The following ALK variants were observed in gnomAD, a reference collection of about 807,000 sequenced individuals.
The protein encoded by ALK is ALK tyrosine kinase receptor.
ALK carries 74 observed loss-of-function variants against 163.1 expected under a neutral mutation model. The ratio of observed to expected loss-of-function variants is 0.45; its 90% CI spans 0.38 to 0.55. ALK has a LOEUF of 0.55. Among genes scored for constraint, ALK ranks in the 20% least tolerant of loss-of-function variants. The probability of loss-of-function intolerance (pLI) is 0.00; values close to 1 mark genes in which losing one functional copy is unlikely to be tolerated. For missense variants in ALK, 2,063 were observed against 2,105.3 expected (o/e 0.98, Z 0.39); for synonymous variants, 960 against 843.2 (o/e 1.14, Z -2.40).
At chr2:29,454,307 T>C (rs4233738) in intron 4 of ALK, among the ~76,000 whole-genome samples, 86,549 of 152,044 alleles carry the variant, frequency 0.57, 24,841 homozygotes, top group East Asian at 0.69. Flanking sequence ...TATGAAGTAG[T>C]ATAATATTTG....
intron 4 of ALK, among the ~76,000 whole-genome samples, chr2:29,529,064 T>C (rs1208865334): frequency 6.6e-6 from 1 of 152,208 alleles, no homozygotes; most frequent in Non-Finnish European, 1.5e-5. Flanking sequence ...CAGCAGCTGC[T>C]GTGCTTCTCC....
intron 4 of ALK, among the ~76,000 whole-genome samples, chr2:29,507,676 G>A (rs574672679): frequency 6.6e-6 from 1 of 152,236 alleles, no homozygotes; most frequent in East Asian, 1.9e-4. Flanking sequence ...ATAGCACCTG[G>A]GGTTTAGGAG....
chr2:29,618,192 C>T (rs1675914549), intron 3 of ALK, among the ~76,000 whole-genome samples: 1 of 152,164 alleles, frequency 6.6e-6, no homozygotes, highest in African/African-American at 2.4e-5. Flanking sequence ...TCTTAGGAAA[C>T]CAATGTTTCT....
intron 3 of ALK, among the ~76,000 whole-genome samples, chr2:29,659,695 G>A (rs1677292198): frequency 6.6e-6 from 1 of 152,136 alleles, no homozygotes; most frequent in African/African-American, 2.4e-5. Flanking sequence ...TCTGTCCCCA[G>A]AGACCAGGCA....
intron 12 of ALK, among the ~76,000 whole-genome samples, chr2:29,243,657 A>G (rs531174039): frequency 5.9e-5 from 9 of 152,350 alleles, no homozygotes; most frequent in Non-Finnish European, 1.3e-4. Flanking sequence ...AGCACAGGGC[A>G]GCCTTAGCTC....
intron 4 of ALK, among the ~76,000 whole-genome samples, chr2:29,530,208 A>C (rs1673085159): frequency 1.3e-5 from 2 of 151,922 alleles, no homozygotes; most frequent in Admixed American, 1.3e-4. Context: ...TCTCTGCCTC[A>C]GTTTTCTCCT....
At chr2:29,408,493 C>A (rs1162358194) in intron 4 of ALK, among the ~76,000 whole-genome samples, 1 of 152,118 alleles carries the variant, frequency 6.6e-6, no homozygotes, top group African/African-American at 2.4e-5. Flanking sequence ...GGGCAGGGAG[C>A]ACATGACACA....
chr2:29,647,445 C>A (rs1676910614), intron 3 of ALK, among the ~76,000 whole-genome samples: 1 of 152,166 alleles, frequency 6.6e-6, no homozygotes, highest in Non-Finnish European at 1.5e-5. Flanking sequence ...TAGTCTTTCT[C>A]CCCTAATTCC....
intron 1 of ALK, among the ~76,000 whole-genome samples, chr2:29,846,206 GCTGGTTCTAGGAT>G (rs1007223177): frequency 7.9e-5 from 12 of 152,210 alleles, no homozygotes; most frequent in East Asian, 7.7e-4. Context: ...AACACACCAC[GCTGGTTCTAGGAT>G]CTGGTTCTAG....
chr2:29,208,932 A>T (rs185796318), intron 25 of ALK, among the ~76,000 whole-genome samples: 58 of 152,280 alleles, frequency 3.8e-4, no homozygotes, highest in African/African-American at 1.4e-3. Flanking sequence ...AATAATTTTT[A>T]AAATGTAGTC....
At chr2:29,829,090 T>C (rs1319876928) in intron 1 of ALK, among the ~76,000 whole-genome samples, 2 of 144,358 alleles carry the variant, frequency 1.4e-5, no homozygotes, top group African/African-American at 5.2e-5. Flanking sequence ...CCGCATGTTC[T>C]CACTCATAGG....
intron 13 of ALK, among the ~76,000 whole-genome samples, chr2:29,236,905 T>C (rs888001683): frequency 1.4e-4 from 21 of 152,172 alleles, no homozygotes; most frequent in Non-Finnish European, 2.2e-4. Flanking sequence ...TAGCGGCCTG[T>C]CTCCCATCGT....
At chr2:29,874,464 A>T (rs1666654962) in intron 1 of ALK, among the ~76,000 whole-genome samples, 1 of 152,234 alleles carries the variant, frequency 6.6e-6, no homozygotes, top group African/African-American at 2.4e-5. Flanking sequence ...GGACAATTTA[A>T]GTCAGGGCTA....
Position 29,296,756 on chromosome 2 carries a change from C to T in ALK, c.1817+132G>A, listed in dbSNP as rs2272409. 0.82 allele frequency: 826,755 copies of T among 1,012,810 alleles called. 342,443 individuals are homozygous for T. Among genetic ancestry groups the T allele is most frequent in the Admixed American group, 0.85 (43,711 of 51,202 alleles). 62.7% of individuals were successfully genotyped at this position (1,012,810 alleles called of 1,614,324 possible). A position where few individuals can be genotyped will look rare whatever the true frequency, so the allele number is the denominator to read the frequency against. ...GTGTGTGTGTGCACGTGCGTGCACG[C>T]GCACATATCGGTGTGTGGGCACATC... On this transcript the variant is annotated intron_variant, in intron 9 of 28. Coordinates refer to ENST00000389048, the MANE Select transcript of ALK (RefSeq NM_004304.5).
At chr2:29,780,657 G>A (rs556920315) in intron 1 of ALK, among the ~76,000 whole-genome samples, 5 of 152,308 alleles carry the variant, frequency 3.3e-5, no homozygotes, top group South Asian at 4.1e-4. Flanking sequence ...TCTGAGCAGC[G>A]CCCTCCACTG....
At chr2:29,814,863 G>T (rs1427120580) in intron 1 of ALK, among the ~76,000 whole-genome samples, 1 of 151,752 alleles carries the variant, frequency 6.6e-6, no homozygotes, top group African/African-American at 2.4e-5. Flanking sequence ...TGTACTTACA[G>T]TGCCTAGCAA....
chr2:29,251,375 A>G, intron 11 of ALK, 108 bp from the exon 12 acceptor site: 3 of 1,158,898 alleles, frequency 2.6e-6, no homozygotes, highest in Non-Finnish European at 3.7e-6. Context: ...CAAACCCTCC[A>G]TCCAAGATGG....
At chr2:29,809,348 A>T (rs1234221705) in intron 1 of ALK, among the ~76,000 whole-genome samples, 5 of 152,242 alleles carry the variant, frequency 3.3e-5, no homozygotes, top group Admixed American at 2.0e-4. Flanking sequence ...TCATACTGAG[A>T]GTTTGAAATC....
chr2:29,824,988 T>C (rs1288701535), intron 1 of ALK, among the ~76,000 whole-genome samples: 3 of 152,206 alleles, frequency 2.0e-5, no homozygotes, highest in Admixed American at 6.5e-5. Context: ...TGGGAAGTAA[T>C]TGAATCATGG....
Sources: gnomAD v4.1 joint callset for allele counts (sites outside exome capture counted in the v4.1 genomes callset) on GRCh38, gnomAD v4.1.1 for gene constraint, MANE v1.5 for transcripts, NCBI Gene and HGNC (gene_info 2026-07-23, HGNC 2026-07-21) for gene names.